Variants in AMPD3 observed in about 807,000 individuals in gnomAD.
AMPD3 encodes AMP deaminase 3.
AMPD3 carries 57 observed loss-of-function variants against 82.3 expected under a neutral mutation model. The observed-to-expected ratio is 0.69, with a 90% CI of 0.56 to 0.86. The LOEUF (loss-of-function observed/expected upper bound fraction) is 0.86, where lower values mean the gene tolerates loss of function less well. Among genes scored for constraint, AMPD3 ranks in the 40% least tolerant of loss-of-function variants. AMPD3 has a pLI of 0.00. For synonymous variants in AMPD3, 381 were observed against 394.7 expected, an observed-to-expected ratio of 0.97 and a Z score of 0.41; for missense variants, 870 against 1,003.8, an observed-to-expected ratio of 0.87 and a Z score of 1.80.
At chr11:10,479,037 G>GA (rs1724271039) in intron 3 of AMPD3, among the ~76,000 whole-genome samples, 1 of 152,186 alleles carries the variant, frequency 6.6e-6, no homozygotes, top group South Asian at 2.1e-4. Flanking sequence ...GTAGCCTGTT[G>GA]AGAAAGGTGC....
chr11:10,493,220 G>A (rs1343118558), intron 6 of AMPD3, 129 bp from the exon 7 acceptor site: 2 of 1,081,214 alleles, frequency 1.8e-6, no homozygotes, highest in East Asian at 4.7e-5. Flanking sequence ...GTGGGATCCA[G>A]ACACTGGTGG....
At chr11:10,474,485 C>T (rs577745865) in intron 2 of AMPD3, among the ~76,000 whole-genome samples, 2 of 152,254 alleles carry the variant, frequency 1.3e-5, no homozygotes, top group Admixed American at 1.3e-4. Context: ...CCTGATTCCC[C>T]AGAGCGGAGG....
chr11:10,477,685 A>G (rs1056903877), intron 2 of AMPD3, among the ~76,000 whole-genome samples: 2 of 152,212 alleles, frequency 1.3e-5, no homozygotes, highest in African/African-American at 4.8e-5. Flanking sequence ...ACAGAGGTAC[A>G]TATCTGTGCC....
intron 13 of AMPD3, among the ~76,000 whole-genome samples, chr11:10,503,266 C>G (rs2133946289): frequency 6.6e-6 from 1 of 152,240 alleles, no homozygotes; most frequent in South Asian, 2.1e-4. Context: ...GATAATGAAT[C>G]AAAGGTTCTA....
At chr11:10,489,903 A>G (rs991759972) in intron 6 of AMPD3, among the ~76,000 whole-genome samples, 2 of 151,898 alleles carry the variant, frequency 1.3e-5, no homozygotes, top group African/African-American at 4.8e-5. Flanking sequence ...CTGGCCCCGA[A>G]CTCTCAGCCT....
chr11:10,476,442 C>T lies in AMPD3; in HGVS notation c.222-2084C>T, dbSNP rs563905524. On this transcript the variant is annotated intron_variant, in intron 2 of 14. Transcript: ENST00000396553. Reference sequence around the variant, plus strand: ...CCTGGTAGGCTGTTGGCTTAGGCAGCCTCCCAGCATTTGGGCTGTAGTGTT... The same window carrying T: ...CCTGGTAGGCTGTTGGCTTAGGCAGTCTCCCAGCATTTGGGCTGTAGTGTT... Among the ~76,000 whole-genome samples the T allele has an allele frequency of 1.6e-4, 24 of 150,868 alleles. No individual in the cohort carries two copies. The South Asian group carries it at 4.8e-3, about 30-fold the overall frequency.
upstream of AMPD3, chr11:10,450,871 C>T: frequency 8.2e-7 from 1 of 1,222,148 alleles, no homozygotes; most frequent in Non-Finnish European, 1.0e-6. Context: ...CAGCGCTGCG[C>T]CCTCTGAACG....
intron 9 of AMPD3, 185 bp from the exon 10 acceptor site, chr11:10,496,627 G>A: frequency 1.4e-6 from 2 of 1,431,672 alleles, no homozygotes; most frequent in Non-Finnish European, 1.9e-6. Context: ...GCAAACCAAG[G>A]CAGAATATTG....
At chr11:10,454,017 A>T (rs146973557), upstream of AMPD3, among the ~76,000 whole-genome samples, 4 of 152,288 alleles carry the variant, frequency 2.6e-5, no homozygotes, top group East Asian at 7.7e-4. Flanking sequence ...GTATCTGGTT[A>T]TCATAAATTG....
Position 10,461,750 on chromosome 11 carries a change from C to T in AMPD3, c.221+10C>T. The T allele has an allele frequency of 3.1e-6, 5 of 1,597,648 alleles. No individual in the cohort carries two copies. Among genetic ancestry groups the T allele is most frequent in the Non-Finnish European group, 4.3e-6 (5 of 1,171,614 alleles). ...TGGAGACCGCAAAAAGGTTTGTTCC[C>T]AAGGCATGGTTTTCGTGTACATAGA... On this transcript the variant is annotated intron_variant, in intron 2 of 14. Transcript: ENST00000396553.
Position 10,461,202 on chromosome 11 carries a change from A to C in AMPD3, c.-5-313A>C, listed in dbSNP as rs936932251. 4 of 1,248,784 alleles carry C rather than the reference A, an allele frequency of 3.2e-6. No homozygotes were observed. The African/African-American group carries it at 6.2e-5, about 19-fold the overall frequency. 77.4% of individuals were successfully genotyped at this position (1,248,784 alleles called of 1,614,324 possible). A position where few individuals can be genotyped will look rare whatever the true frequency, so the allele number is the denominator to read the frequency against. ...CCTTCTCAAACATGGGAACAAAGTC[A>C]GGAGGGCAGGGCTGCCAGGTGCTGC... On this transcript the variant is annotated intron_variant, in intron 1 of 14. Coordinates refer to ENST00000396553, the MANE Select transcript of AMPD3 (RefSeq NM_001025389.2).
chr11:10,487,312 A>C lies in AMPD3; in HGVS notation c.887A>C (p.Glu296Ala). 6.2e-7 allele frequency: 1 copy of C among 1,614,180 alleles called. No homozygotes were observed. Among genetic ancestry groups the C allele is most frequent in the Non-Finnish European group, 8.5e-7 (1 of 1,180,020 alleles). ...CATGAGATGTTAAACGAAATGTCCG[A>C]GTTCAAAGAGTTGAAGAGTAACCCC... Reference protein sequence around the residue: ...SLHEMLNEMSEFKELKSNPHR... With the variant: ...SLHEMLNEMSAFKELKSNPHR... The change falls in exon 6 of 15, where the codon GAG becomes GCG. Residue 296 changes from glutamate (E) to alanine (A), a missense_variant. By Grantham distance (107) the Glu-to-Ala change is moderately radical. Coordinates refer to ENST00000396553, the MANE Select transcript of AMPD3 (RefSeq NM_001025389.2).
chr11:10,456,138 T>C lies in AMPD3; in HGVS notation c.-6+690T>C, dbSNP rs117642341. 1 of 1,363,590 alleles carries C rather than the reference T, an allele frequency of 7.3e-7. No homozygotes were observed. Among genetic ancestry groups the C allele is most frequent in the Non-Finnish European group, 9.4e-7 (1 of 1,058,402 alleles). The allele number at this position is 1,363,590 out of a possible 1,614,324, so 84.5% of individuals were successfully genotyped here. A position where few individuals can be genotyped will look rare whatever the true frequency, so the allele number is the denominator to read the frequency against. On this transcript the variant is annotated intron_variant, in intron 1 of 14. Coordinates refer to ENST00000396553, the MANE Select transcript of AMPD3 (RefSeq NM_001025389.2). This position sits in a 1 kb window ranked among gnomAD's most constrained non-coding sequence, Gnocchi z 4.3. ...GCCATTTTGTTTTGGATAACTGGGATTACCTGGGGACTTCAGGGCTCTTGG... is the reference window on the plus strand; with the variant it reads ...GCCATTTTGTTTTGGATAACTGGGACTACCTGGGGACTTCAGGGCTCTTGG...
chr11:10,482,335 T>C, intron 4 of AMPD3, 110 bp downstream of exon 4: 1 of 1,229,542 alleles, frequency 8.1e-7, no homozygotes, highest in Non-Finnish European at 1.1e-6. Flanking sequence ...AAAATGACAA[T>C]GTTCTTTCAT....
chr11:10,468,197 G>A (rs1848477409), intron 2 of AMPD3, among the ~76,000 whole-genome samples: 1 of 152,296 alleles, frequency 6.6e-6, no homozygotes, highest in East Asian at 1.9e-4. Context: ...CGGGCTAAAT[G>A]CCCCAATTAA....
At chr11:10,476,942 G>A in intron 2 of AMPD3, 1 of 985,420 alleles carries the variant, frequency 1.0e-6, no homozygotes, top group Non-Finnish European at 1.2e-6. Flanking sequence ...CAGGGGCAAG[G>A]GGAAGGTAAA....
intron 10 of AMPD3, among the ~76,000 whole-genome samples, chr11:10,498,939 C>T (rs1792102750): frequency 6.6e-6 from 1 of 152,234 alleles, no homozygotes; most frequent in African/African-American, 2.4e-5. Context: ...GCTCCAGTGA[C>T]TCAGGAGCAG....
intron 1 of AMPD3, among the ~76,000 whole-genome samples, chr11:10,460,250 A>G (rs1158901560): frequency 1.3e-5 from 2 of 151,340 alleles, no homozygotes; most frequent in Non-Finnish European, 2.9e-5. Flanking sequence ...GGCATGCATC[A>G]CCATACCTGG....
intron 2 of AMPD3, among the ~76,000 whole-genome samples, chr11:10,472,069 A>T (rs1307581424): frequency 6.6e-6 from 1 of 152,256 alleles, no homozygotes; most frequent in Non-Finnish European, 1.5e-5. Context: ...GATAGACTGG[A>T]TAAAGAAAAT....
Sources: gnomAD v4.1 joint callset for allele counts (sites outside exome capture counted in the v4.1 genomes callset) on GRCh38, gnomAD v4.1.1 for gene constraint, Gnocchi (gnomAD v3.1) non-coding constraint, MANE v1.5 for transcripts, NCBI Gene and HGNC (gene_info 2026-07-23, HGNC 2026-07-21) for gene names.